MYO5C: variants seen among roughly 807,000 people sequenced by gnomAD.
The protein encoded by MYO5C is myosin VC.
MYO5C carries 194 observed loss-of-function variants against 235.7 expected under a neutral mutation model. The ratio of observed to expected loss-of-function variants is 0.82; its 90% confidence interval spans 0.73 to 0.93. The LOEUF is 0.93. MYO5C is among the 40% of genes least tolerant of loss of function. The pLI, the probability that MYO5C is intolerant of heterozygous loss-of-function variation, is 0.00. For synonymous variants in MYO5C, 707 were observed against 754.8 expected (o/e 0.94, Z 1.04); for missense variants, 2,038 against 2,127.2 (o/e 0.96, Z 0.82).
intron 25 of MYO5C, among the ~76,000 whole-genome samples, chr15:52,228,332 C>T (rs1282959700): frequency 6.6e-6 from 1 of 152,090 alleles, no homozygotes; most frequent in African/African-American, 2.4e-5. Flanking sequence ...TTAGTAGAGA[C>T]AGGGTTTCAC....
chr15:52,239,148 G>A (rs947731752), intron 21 of MYO5C, among the ~76,000 whole-genome samples: 2 of 151,782 alleles, frequency 1.3e-5, no homozygotes, highest in Non-Finnish European at 2.9e-5. Context: ...ACGGGATTTC[G>A]CAATGTTGGT....
intron 40 of MYO5C, among the ~76,000 whole-genome samples, chr15:52,195,054 T>TTA (rs1184641413): frequency 6.6e-6 from 1 of 152,108 alleles, no homozygotes; most frequent in Non-Finnish European, 1.5e-5. Context: ...TACAAATGAT[T>TTA]ATAAAAGAAA....
intron 35 of MYO5C, among the ~76,000 whole-genome samples, chr15:52,209,963 A>T (rs76734578): frequency 0.024 from 3,580 of 152,042 alleles, 60 homozygotes; most frequent in Non-Finnish European, 0.038. Flanking sequence ...TTAATTAATT[A>T]ATTAATTTAT....
rs1319840146 is a variant in MYO5C, at chr15:52,211,876, G to A, written c.4150C>T (p.Pro1384Ser). The change falls in exon 35 of 41, where the codon CCC becomes TCC. Residue 1384 changes from proline to serine, a missense_variant. Transcript: ENST00000261839. ...ATCATGTTCACCACCACGCCACGGG[G>A]CTTCAAGTCTGAAGCAGAGAGAGCC... ...LIQNLILDLK[P>S]RGVVVNMIPG... is the part of the protein sequence containing the mutation. 4 of 1,613,668 alleles carry A rather than the reference G, an allele frequency of 2.5e-6. No homozygotes were observed. The highest frequency in any genetic ancestry group is 2.5e-6 in the Non-Finnish European group (3 of 1,179,756).
intron 1 of MYO5C, among the ~76,000 whole-genome samples, chr15:52,287,153 A>T (rs961790260): frequency 6.6e-6 from 1 of 151,784 alleles, no homozygotes; most frequent in Non-Finnish European, 1.5e-5. Context: ...AGTTGCTTTA[A>T]TCCTTAACAG....
chr15:52,271,535 G>A (rs1375727067), intron 7 of MYO5C, among the ~76,000 whole-genome samples: 2 of 151,980 alleles, frequency 1.3e-5, no homozygotes, highest in East Asian at 3.9e-4. Flanking sequence ...GGCCCAATGA[G>A]CTTTAAAAAT....
intron 34 of MYO5C, 67 bp downstream of exon 34, chr15:52,213,121 T>A: frequency 2.5e-6 from 3 of 1,216,696 alleles, no homozygotes. Flanking sequence ...TGCCCAGGAC[T>A]TTGGCACTGA....
chr15:52,273,021 TA>T (rs1229631959), intron 5 of MYO5C, among the ~76,000 whole-genome samples: 4 of 152,140 alleles, frequency 2.6e-5, no homozygotes, highest in Middle Eastern at 3.2e-3. Flanking sequence ...TGTAATGTCT[TA>T]AAAGTTAATT....
intron 13 of MYO5C, among the ~76,000 whole-genome samples, chr15:52,249,639 T>C (rs964376407): frequency 9.2e-5 from 14 of 152,084 alleles, no homozygotes; most frequent in Non-Finnish European, 2.1e-4. Flanking sequence ...AACACTTCTT[T>C]GTGAATGAAG....
intron 7 of MYO5C, 99 bp from the exon 8 acceptor site, chr15:52,269,959 A>G: frequency 1.2e-6 from 1 of 838,442 alleles, no homozygotes; most frequent in Non-Finnish European, 2.0e-6. Flanking sequence ...GAACTGTGTC[A>G]TGCACTTTAC....
chr15:52,207,251 G>T (rs893682805), intron 36 of MYO5C, among the ~76,000 whole-genome samples: 2 of 152,198 alleles, frequency 1.3e-5, no homozygotes, highest in Non-Finnish European at 2.9e-5. Flanking sequence ...GTCAGACAGG[G>T]AAAAGAATAT....
chr15:52,213,346 A>C, intron 33 of MYO5C, 60 bp from the exon 34 acceptor site: 1 of 1,194,652 alleles, frequency 8.4e-7, no homozygotes, highest in Non-Finnish European at 1.3e-6. Flanking sequence ...AGGTCTCACA[A>C]TGTGACTACT....
chr15:52,223,861 G>C lies in MYO5C; in HGVS notation c.3447-137C>G, dbSNP rs1362287735. The stretch of plus-strand genomic sequence containing the variant: ...GTTTACTTATGCACTCACGGTTACA[G>C]GCTACAGAATCAGGAATGCCTAATT... On this transcript the variant is annotated intron_variant, in intron 28 of 40. Coordinates refer to ENST00000261839, the MANE Select transcript of MYO5C (RefSeq NM_018728.4). The C allele has an allele frequency of 2.4e-5, 16 of 666,634 alleles. No individual in the cohort carries two copies. In the East Asian group the frequency reaches 3.6e-4, roughly 15 times the overall value. 41.3% of individuals were successfully genotyped at this position (666,634 alleles called of 1,614,324 possible).
intron 20 of MYO5C, 103 bp downstream of exon 20, chr15:52,241,945 A>G: frequency 7.7e-7 from 1 of 1,306,722 alleles, no homozygotes; most frequent in Admixed American, 2.3e-5. Context: ...CACTTTGTAC[A>G]AAGTGAGGTT....
rs148902270 is a variant in MYO5C, at chr15:52,246,806, A to G, written c.1979+111T>C. 6.0e-6 allele frequency: 5 copies of G among 834,924 alleles called. No homozygotes were observed. In the African/African-American group the frequency reaches 6.8e-5, roughly 11 times the overall value. 51.7% of individuals were successfully genotyped at this position (834,924 alleles called of 1,614,324 possible). ...GGGCAGCATTGTTCTGAATCATTAA[A>G]AAAAAACCCAGAAACAGGGTAATCT... On this transcript the variant is annotated intron_variant, in intron 16 of 40. Coordinates refer to ENST00000261839, the MANE Select transcript of MYO5C (RefSeq NM_018728.4).
At chr15:52,291,799 C>CGCGATCTCG (rs2037401590) in intron 1 of MYO5C, among the ~76,000 whole-genome samples, 1 of 121,804 alleles carries the variant, frequency 8.2e-6, no homozygotes, top group Non-Finnish European at 1.6e-5. Context: ...AGTGCAGCGG[C>CGCGATCTCG]GCGATCTCGG....
intron 1 of MYO5C, among the ~76,000 whole-genome samples, chr15:52,290,069 T>C (rs1336655401): frequency 2.0e-5 from 3 of 152,046 alleles, no homozygotes; most frequent in Admixed American, 6.6e-5. Flanking sequence ...CAGAGCTGGA[T>C]GCTTCCCTTG....
intron 2 of MYO5C, among the ~76,000 whole-genome samples, chr15:52,281,505 CA>C (rs2037161589): frequency 6.6e-6 from 1 of 152,222 alleles, no homozygotes; most frequent in East Asian, 1.9e-4. Flanking sequence ...AGGAGACACT[CA>C]ATAAAAACTG....
chr15:52,268,550 C>CA lies in MYO5C; in HGVS notation c.940+1202dup, dbSNP rs923143922. 1.6e-4 allele frequency among the ~76,000 whole-genome samples: 23 copies of CA among 145,532 alleles called. No homozygotes were observed. In the South Asian group the frequency reaches 3.5e-3, roughly 22 times the overall value. On this transcript the variant is annotated intron_variant, in intron 8 of 40. Coordinates refer to ENST00000261839, the MANE Select transcript of MYO5C (RefSeq NM_018728.4). ...CTGGCGACAGTGTAAGATTCTGTCTCAAAAAAAAGAAAAGAAAAAAAAAAA... is the reference window on the plus strand; with the variant it reads ...CTGGCGACAGTGTAAGATTCTGTCTCAAAAAAAAAGAAAAGAAAAAAAAAAA...
Sources: gnomAD v4.1 joint callset for allele counts (sites outside exome capture counted in the v4.1 genomes callset) on GRCh38, gnomAD v4.1.1 for gene constraint, MANE v1.5 for transcripts, NCBI Gene and HGNC (gene_info 2026-07-23, HGNC 2026-07-21) for gene names.